The following RGL1 variants were observed in gnomAD, a reference collection of about 807,000 sequenced individuals.
The protein encoded by RGL1 is ral guanine nucleotide dissociation stimulator like 1, also known as ral guanine nucleotide dissociation stimulator-like 1.
Under a neutral mutation model 95.2 loss-of-function variants are expected in RGL1, and 24 were observed. The observed-to-expected ratio is 0.25, with a 90% CI of 0.18 to 0.35. The LOEUF (loss-of-function observed/expected upper bound fraction) is 0.35, where lower values mean the gene tolerates loss of function less well. Among genes scored for constraint, RGL1 ranks in the 10% least tolerant of loss-of-function variants. RGL1 has a pLI of 1.00. For synonymous variants in RGL1, 329 were observed against 344.9 expected, an observed-to-expected ratio of 0.95 and a Z score of 0.51; for missense variants, 715 against 936.3, an observed-to-expected ratio of 0.76 and a Z score of 3.08.
chr1:183,721,376 C>T (rs542716907), intron 1 of RGL1, among the ~76,000 whole-genome samples: 111 of 152,302 alleles, frequency 7.3e-4, no homozygotes, highest in African/African-American at 2.5e-3. Context: ...TCCACTCCCA[C>T]TGCCTGATGC....
chr1:183,918,572 T>C (rs978007134), intron 16 of RGL1, among the ~76,000 whole-genome samples: 4 of 152,186 alleles, frequency 2.6e-5, no homozygotes, highest in Non-Finnish European at 5.9e-5. Flanking sequence ...GGGGGAACTG[T>C]GAGTGGTTGG....
rs1161296231 is a variant in RGL1 at position 183,832,678 on chromosome 1, C to T, written c.139-14888C>T. Reference sequence around the variant, plus strand: ...GGGTCCAGACTGCTTGAATTTGAATCCTGGCTTTTCTGCCTCTTAGCTGTG... The same window carrying T: ...GGGTCCAGACTGCTTGAATTTGAATTCTGGCTTTTCTGCCTCTTAGCTGTG... On this transcript the variant is annotated intron_variant, in intron 2 of 17. Coordinates refer to ENST00000360851, the MANE Select transcript of RGL1 (RefSeq NM_001297671.3). 2.0e-5 allele frequency among the ~76,000 whole-genome samples: 3 copies of T among 152,168 alleles called. No individual in the cohort carries two copies. The East Asian group carries it at 5.8e-4, about 29-fold the overall frequency.
At chr1:183,660,269 G>T (rs1651514240) in intron 1 of RGL1, among the ~76,000 whole-genome samples, 1 of 152,088 alleles carries the variant, frequency 6.6e-6, no homozygotes, top group Non-Finnish European at 1.5e-5. Context: ...TGGCAAATTG[G>T]ATAAAGAGTC....
intron 2 of RGL1, among the ~76,000 whole-genome samples, chr1:183,776,226 G>A (rs1343862538): frequency 7.1e-6 from 1 of 141,764 alleles, no homozygotes; most frequent in Non-Finnish European, 1.5e-5. Context: ...TCGGCTCACT[G>A]CAAGCTCCGC....
intron 2 of RGL1, among the ~76,000 whole-genome samples, chr1:183,820,425 C>T (rs536422039): frequency 1.3e-5 from 2 of 152,142 alleles, no homozygotes; most frequent in African/African-American, 4.8e-5. Flanking sequence ...CTGTTTTTTA[C>T]CCCCACGAAA....
Position 183,884,717 on chromosome 1 carries a change from T to C in RGL1, c.736-6T>C. ...GTCCTTAAAGTCAGTTCCTCTTTTG[T>C]TCCAGCAACTCTTCAAGAAAGTAGT... On this transcript the variant is annotated splice_region_variant and splice_polypyrimidine_tract_variant and intron_variant, in intron 6 of 17. Transcript: ENST00000360851. 1 of 1,613,436 alleles carries C rather than the reference T, an allele frequency of 6.2e-7. No individual in the cohort carries two copies. Among genetic ancestry groups the C allele is most frequent in the South Asian group, 1.1e-5 (1 of 91,042 alleles).
Position 183,926,401 on chromosome 1 carries a change from C to T in RGL1, c.*109C>T, listed in dbSNP as rs373678369. 4 of 910,260 alleles carry T rather than the reference C, an allele frequency of 4.4e-6. No individual in the cohort carries two copies. The highest frequency in any genetic ancestry group is 2.8e-5 in the East Asian group (1 of 35,946). 56.4% of individuals were successfully genotyped at this position (910,260 alleles called of 1,614,324 possible). A position where few individuals can be genotyped will look rare whatever the true frequency, so the allele number is the denominator to read the frequency against. On this transcript the variant is annotated 3_prime_UTR_variant, in exon 18 of 18. Transcript: ENST00000360851. ...GTTCGAGGATCATTGGTGAAGTCAGCAGATATTTATTGAGTTCCTGTGGTG... is the reference window on the plus strand; with the variant it reads ...GTTCGAGGATCATTGGTGAAGTCAGTAGATATTTATTGAGTTCCTGTGGTG...
chr1:183,922,095 A>G, intron 16 of RGL1, 127 bp from the exon 17 acceptor site: 2 of 746,258 alleles, frequency 2.7e-6, no homozygotes, highest in East Asian at 2.7e-5. Flanking sequence ...GTCCAGTTCC[A>G]ATTCCACGAG....
At chr1:183,795,816 G>A (rs537280830) in intron 2 of RGL1, among the ~76,000 whole-genome samples, 3 of 152,308 alleles carry the variant, frequency 2.0e-5, no homozygotes, top group South Asian at 2.1e-4. Context: ...TAGCGACTCA[G>A]TAAATGTTGC....
At chr1:183,882,349 G>C (rs540737063) in intron 5 of RGL1, among the ~76,000 whole-genome samples, 287 of 152,274 alleles carry the variant, frequency 1.9e-3, no homozygotes, top group Non-Finnish European at 3.1e-3. Flanking sequence ...TGACTGAAGT[G>C]GGTTAGGCTC....
intron 1 of RGL1, among the ~76,000 whole-genome samples, chr1:183,720,849 A>G (rs1655978366): frequency 6.6e-6 from 1 of 152,182 alleles, no homozygotes; most frequent in Admixed American, 6.5e-5. Context: ...TGTTTTGATG[A>G]AAGAAAAGGA....
At chr1:183,906,501 C>T (rs1668328429) in intron 13 of RGL1, among the ~76,000 whole-genome samples, 1 of 151,926 alleles carries the variant, frequency 6.6e-6, no homozygotes, top group African/African-American at 2.4e-5. Context: ...ATATCTTTAT[C>T]AGTAATGTAA....
chr1:183,797,291 G>A (rs1256610759), intron 2 of RGL1, among the ~76,000 whole-genome samples: 2 of 152,026 alleles, frequency 1.3e-5, no homozygotes, highest in African/African-American at 4.8e-5. Context: ...ATGGCGCCAC[G>A]GCACTCCAGC....
At chr1:183,730,631 A>T (rs1188154547) in intron 1 of RGL1, among the ~76,000 whole-genome samples, 1 of 152,130 alleles carries the variant, frequency 6.6e-6, no homozygotes, top group Non-Finnish European at 1.5e-5. Flanking sequence ...GTGTTGCCAG[A>T]TTTTAATTTG....
chr1:183,855,917 T>C (rs76356797), intron 3 of RGL1, among the ~76,000 whole-genome samples: 2 of 152,324 alleles, frequency 1.3e-5, no homozygotes, highest in Admixed American at 6.5e-5. Flanking sequence ...TCTTCATTAA[T>C]TTTAGTAACC....
intron 2 of RGL1, among the ~76,000 whole-genome samples, chr1:183,784,023 G>C (rs1201928788): frequency 6.6e-6 from 1 of 152,134 alleles, no homozygotes; most frequent in Non-Finnish European, 1.5e-5. Context: ...TCAATGGTGT[G>C]GTGGGGCTCT....
intron 1 of RGL1, among the ~76,000 whole-genome samples, chr1:183,731,386 G>A (rs10752915): frequency 0.47 from 71,054 of 151,914 alleles, 17,468 homozygotes; most frequent in East Asian, 0.8. Flanking sequence ...GCAGGGCAGA[G>A]GAAGTGTGAT....
In RGL1 at chr1:183,921,102, A is replaced by G. The variant is rs144010209; in HGVS notation, c.2005-1120A>G. ...AAAGAAATCACCCAAGGTATGGTACATAATTTAGCTTTCTTTTCAGGTTGC... is the reference window on the plus strand; with the variant it reads ...AAAGAAATCACCCAAGGTATGGTACGTAATTTAGCTTTCTTTTCAGGTTGC... On this transcript the variant is annotated intron_variant, in intron 16 of 17. Transcript: ENST00000360851. Among the ~76,000 whole-genome samples, 761 of 152,334 alleles carry G rather than the reference A, an allele frequency of 5.0e-3. 4 individuals are homozygous for G. The highest frequency in any genetic ancestry group is 0.02 in the South Asian group (97 of 4,826).
intron 1 of RGL1, among the ~76,000 whole-genome samples, chr1:183,697,286 C>G (rs1204149023): frequency 6.6e-6 from 1 of 152,176 alleles, no homozygotes; most frequent in East Asian, 1.9e-4. Flanking sequence ...AAAATTGTAA[C>G]GGCCCTAATC....
Sources: gnomAD v4.1 joint callset for allele counts (sites outside exome capture counted in the v4.1 genomes callset) on GRCh38, gnomAD v4.1.1 for gene constraint, MANE v1.5 for transcripts, NCBI Gene and HGNC (gene_info 2026-07-23, HGNC 2026-07-21) for gene names.